Variants in DOCK3 observed in about 807,000 individuals in gnomAD.
DOCK3 encodes dedicator of cytokinesis 3.
DOCK3 carries 60 observed loss-of-function variants against 265.6 expected under a neutral mutation model. That is an observed-to-expected ratio of 0.23 (90% CI 0.18 to 0.28). The LOEUF is 0.28. Among genes scored for constraint, DOCK3 ranks in the 10% least tolerant of loss-of-function variants. The pLI is 1.00. For synonymous variants in DOCK3, 881 were observed against 938.0 expected (o/e 0.94, Z 1.11); for missense variants, 1,981 against 2,594.3 (o/e 0.76, Z 5.14).
chr3:50,811,036 G>A lies in DOCK3; in HGVS notation c.122-30639G>A, dbSNP rs530583493. 3.3e-5 allele frequency among the ~76,000 whole-genome samples: 5 copies of A among 152,240 alleles called. No homozygotes were observed. In the South Asian group the frequency reaches 1.0e-3, roughly 32 times the overall value. ...TCTAGTCACAGATAAAAACATTTTT[G>A]CAGTGATACAACAAAGATAAGCAAT... On this transcript the variant is annotated intron_variant, in intron 2 of 52. Coordinates refer to ENST00000266037, the MANE Select transcript of DOCK3 (RefSeq NM_004947.5).
chr3:50,877,503 G>A (rs2107627859), intron 3 of DOCK3: 2 of 520,112 alleles, frequency 3.8e-6, no homozygotes, highest in Non-Finnish European at 7.7e-6. Flanking sequence ...AGTCTCGAAT[G>A]GCAGTGTTTG....
chr3:50,943,420 A>G (rs909126865), intron 5 of DOCK3, among the ~76,000 whole-genome samples: 3 of 152,142 alleles, frequency 2.0e-5, no homozygotes, highest in Non-Finnish European at 4.4e-5. Flanking sequence ...TTTAAATAGT[A>G]CGTTATATAA....
At chr3:51,060,240 A>G (rs1287004004) in intron 5 of DOCK3, among the ~76,000 whole-genome samples, 1 of 151,932 alleles carries the variant, frequency 6.6e-6, no homozygotes, top group Non-Finnish European at 1.5e-5. Context: ...ACAATGCCAA[A>G]TCCCCTGGCC....
intron 6 of DOCK3, among the ~76,000 whole-genome samples, chr3:51,073,700 T>A (rs1184286627): frequency 3.3e-5 from 5 of 152,198 alleles, no homozygotes; most frequent in African/African-American, 4.8e-5. Context: ...CTCATTTTTT[T>A]AATTAGTGGA....
chr3:51,003,880 G>A (rs1041504859), intron 5 of DOCK3, among the ~76,000 whole-genome samples: 3 of 152,066 alleles, frequency 2.0e-5, no homozygotes, highest in African/African-American at 4.8e-5. Context: ...AGCCACTATA[G>A]GATATTACCA....
At chr3:51,232,138 GT>G (rs201949934) in intron 19 of DOCK3, among the ~76,000 whole-genome samples, 21 of 151,128 alleles carry the variant, frequency 1.4e-4, no homozygotes, top group Middle Eastern at 3.5e-3. Context: ...TCTTTTTTAT[GT>G]TTTTTTTTAT....
chr3:51,187,410 A>G (rs1027726332), intron 12 of DOCK3, among the ~76,000 whole-genome samples: 1 of 152,200 alleles, frequency 6.6e-6, no homozygotes, highest in African/African-American at 2.4e-5. Context: ...TTACAGACTC[A>G]TAGGTGGAAG....
chr3:51,239,938 A>G (rs567814000), intron 21 of DOCK3, among the ~76,000 whole-genome samples: 2 of 151,752 alleles, frequency 1.3e-5, no homozygotes, highest in African/African-American at 2.4e-5. Context: ...TTGTGTCTCA[A>G]TCTCCTTTGG....
intron 1 of DOCK3, among the ~76,000 whole-genome samples, chr3:50,700,233 C>A (rs181063523): frequency 1.3e-5 from 2 of 152,184 alleles, no homozygotes; most frequent in Non-Finnish European, 2.9e-5. Flanking sequence ...GAGCGGAGAT[C>A]GCACCATTGC....
chr3:51,160,486 G>A, intron 11 of DOCK3, 69 bp from the exon 12 acceptor site: 3 of 1,493,086 alleles, frequency 2.0e-6, no homozygotes, highest in Non-Finnish European at 2.7e-6. Flanking sequence ...ATCCTTGGAT[G>A]ACAATTAGGT....
intron 1 of DOCK3, among the ~76,000 whole-genome samples, chr3:50,720,694 T>A (rs969519193): frequency 1.3e-5 from 2 of 152,104 alleles, no homozygotes; most frequent in Non-Finnish European, 2.9e-5. Flanking sequence ...CCCAGTAATG[T>A]GATTGCTGGT....
chr3:51,001,336 C>G (rs2078478010), intron 5 of DOCK3, among the ~76,000 whole-genome samples: 1 of 152,114 alleles, frequency 6.6e-6, no homozygotes, highest in African/African-American at 2.4e-5. Flanking sequence ...TGGTTTTTTC[C>G]TGCATTCCAA....
chr3:51,318,347 C>T (rs1046271050), intron 32 of DOCK3, among the ~76,000 whole-genome samples: 4 of 152,106 alleles, frequency 2.6e-5, no homozygotes, highest in African/African-American at 9.7e-5. Flanking sequence ...CCACTGCTCA[C>T]CAGTCTGGGC....
intron 49 of DOCK3, among the ~76,000 whole-genome samples, chr3:51,372,599 G>A (rs1165903717): frequency 6.6e-6 from 1 of 152,228 alleles, no homozygotes; most frequent in Non-Finnish European, 1.5e-5. Context: ...TCCACGAGGT[G>A]AGAGACCACG....
At chr3:51,307,471 CAGTT>C (rs1436464747) in intron 27 of DOCK3, among the ~76,000 whole-genome samples, 1 of 152,146 alleles carries the variant, frequency 6.6e-6, no homozygotes. Flanking sequence ...AGTCTCCATG[CAGTT>C]AGTTAATGAT....
intron 1 of DOCK3, among the ~76,000 whole-genome samples, chr3:50,725,160 A>G (rs1344981241): frequency 1.3e-5 from 2 of 152,240 alleles, no homozygotes; most frequent in Non-Finnish European, 2.9e-5. Context: ...GAAAGCAACA[A>G]GAAGAATGAA....
chr3:51,129,700 C>T (rs563834593), intron 9 of DOCK3, among the ~76,000 whole-genome samples: 1 of 152,262 alleles, frequency 6.6e-6, no homozygotes, highest in East Asian at 1.9e-4. Flanking sequence ...TAGTTATCTG[C>T]AGAAGATGGC....
intron 2 of DOCK3, among the ~76,000 whole-genome samples, chr3:50,800,823 A>T: frequency 6.6e-6 from 1 of 151,474 alleles, no homozygotes; most frequent in African/African-American, 2.4e-5. Context: ...TCCTCTTAAT[A>T]CTGCTTTTGC....
chr3:51,059,465 AC>A (rs2081329799), intron 5 of DOCK3, among the ~76,000 whole-genome samples: 9 of 150,292 alleles, frequency 6.0e-5, no homozygotes, highest in Non-Finnish European at 1.3e-4. Context: ...CCACACACAC[AC>A]ACACACACAC....
Sources: gnomAD v4.1 joint callset for allele counts (sites outside exome capture counted in the v4.1 genomes callset) on GRCh38, gnomAD v4.1.1 for gene constraint, MANE v1.5 for transcripts, NCBI Gene and HGNC (gene_info 2026-07-23, HGNC 2026-07-21) for gene names.